The following SPTBN1 variants were observed in gnomAD, a reference collection of about 807,000 sequenced individuals.
SPTBN1 encodes spectrin beta, non-erythrocytic 1, also known as spectrin beta chain, non-erythrocytic 1.
A neutral mutation model predicts 266.4 loss-of-function variants in SPTBN1; 32 were observed. The ratio of observed to expected loss-of-function variants is 0.12; its 90% CI spans 0.09 to 0.16. The LOEUF is 0.16. Among genes scored for constraint, SPTBN1 ranks in the 10% least tolerant of loss-of-function variants. The pLI is 1.00. For missense variants in SPTBN1, 2,296 were observed against 3,067.1 expected (o/e 0.75, Z 5.94); for synonymous variants, 1,336 against 1,162.2 (o/e 1.15, Z -3.04).
chr2:54,550,699 A>G (rs1034401516), intron 2 of SPTBN1, among the ~76,000 whole-genome samples: 20 of 152,224 alleles, frequency 1.3e-4, no homozygotes, highest in Non-Finnish European at 1.8e-4. Context: ...GTAACTATCA[A>G]TAGCTGTTAC....
Position 54,645,505 on chromosome 2 carries a change from TGCTAAA to T in SPTBN1, c.4494+55_4494+60del. 6.3e-7 allele frequency: 1 copy of T among 1,575,964 alleles called. No homozygotes were observed. The highest frequency in any genetic ancestry group is 8.7e-7 in the Non-Finnish European group (1 of 1,155,130). The stretch of plus-strand genomic sequence containing the variant: ...GCTTTTCCACGAGCCCCCTTGCCTG[TGCTAAA>T]GCCCACATTCTCACTTCTCAGTCAT... On this transcript the variant is annotated intron_variant, in intron 21 of 35. Transcript: ENST00000356805. This position sits in a 1 kb window ranked among gnomAD's most constrained non-coding sequence, Gnocchi z 4.3.
intron 2 of SPTBN1, among the ~76,000 whole-genome samples, chr2:54,543,308 T>C (rs1034476306): frequency 6.6e-6 from 1 of 152,248 alleles, no homozygotes; most frequent in Non-Finnish European, 1.5e-5. Context: ...ACAGTGGGCA[T>C]GCATGTGAAG....
chr2:54,562,533 C>CTTTTTTTTTTT (rs1553447705), intron 2 of SPTBN1, among the ~76,000 whole-genome samples: 1 of 126,828 alleles, frequency 7.9e-6, no homozygotes, highest in Non-Finnish European at 1.6e-5. Context: ...TTTTCTTTTT[C>CTTTTTTTTTTT]TTTTTTTTTT....
intron 1 of SPTBN1, among the ~76,000 whole-genome samples, chr2:54,482,845 A>G (rs183636934): frequency 8.3e-4 from 127 of 152,334 alleles, no homozygotes; most frequent in Admixed American, 2.5e-3. Context: ...AAGTAATCCC[A>G]CAGGACTTGG....
At chr2:54,600,461 T>C (rs57406175) in intron 3 of SPTBN1, among the ~76,000 whole-genome samples, 3,954 of 152,214 alleles carry the variant, frequency 0.026, 164 homozygotes, top group African/African-American at 0.088. Flanking sequence ...AGACCCCTGC[T>C]CAAAACCATG....
intron 1 of SPTBN1, among the ~76,000 whole-genome samples, chr2:54,519,867 G>A (rs547915026): frequency 5.3e-5 from 8 of 152,130 alleles, no homozygotes; most frequent in South Asian, 2.1e-4. Flanking sequence ...CCTGTGGAGC[G>A]AGAGGGAGAA....
At position 54,467,249 on chromosome 2, in the gene SPTBN1, G is replaced by A. The variant is rs533081425; in HGVS notation, c.-48+10731G>A. Among the ~76,000 whole-genome samples the A allele has an allele frequency of 2.2e-4, 34 of 151,916 alleles. No homozygotes were observed. In the South Asian group the frequency reaches 4.4e-3, roughly 20 times the overall value. On this transcript the variant is annotated intron_variant, in intron 1 of 35. Coordinates refer to ENST00000356805, the MANE Select transcript of SPTBN1 (RefSeq NM_003128.3). ...GATAGGGATAGGGGATTTTTTTGGG[G>A]GTGGGGGGGCTTTTTTCTCTTTATC...
intron 2 of SPTBN1, among the ~76,000 whole-genome samples, chr2:54,595,049 G>T (rs1002316070): frequency 2.0e-5 from 3 of 151,988 alleles, no homozygotes; most frequent in Non-Finnish European, 4.4e-5. Context: ...GGTCAGGCTG[G>T]TCTCAAACTC....
chr2:54,664,494 T>C lies in SPTBN1; in HGVS notation c.6462T>C (p.Ala2154=). The C allele has an allele frequency of 3.1e-6, 5 of 1,614,032 alleles. No homozygotes were observed. The African/African-American group carries it at 6.7e-5, about 22-fold the overall frequency. The change falls in exon 33 of 36, where the codon GCT becomes GCC. Residue 2154 remains alanine (A), a synonymous_variant. Coordinates refer to ENST00000356805, the MANE Select transcript of SPTBN1 (RefSeq NM_003128.3). This position sits in a 1 kb window ranked among gnomAD's most constrained non-coding sequence, Gnocchi z 5.6. The part of the protein sequence containing the change: ...TVDTSEMVNG[A]TEQRTSSKES... ...ACACAAGCGAAATGGTCAACGGCGC[T>C]ACAGAACAAAGGACGAGCTCTAAAG...
At chr2:54,632,109 G>GT (rs1394884692) in intron 16 of SPTBN1, among the ~76,000 whole-genome samples, 47 of 150,780 alleles carry the variant, frequency 3.1e-4, no homozygotes, top group Admixed American at 1.1e-3. Context: ...GTACGGTGAG[G>GT]ATTTTTTTTT....
At chr2:54,583,630 A>C (rs1164785003) in intron 2 of SPTBN1, among the ~76,000 whole-genome samples, 1 of 152,214 alleles carries the variant, frequency 6.6e-6, no homozygotes, top group African/African-American at 2.4e-5. Flanking sequence ...ATTACAAGGA[A>C]GTATTAATGT....
At chr2:54,490,977 G>A (rs1026123943) in intron 1 of SPTBN1, among the ~76,000 whole-genome samples, 9 of 152,206 alleles carry the variant, frequency 5.9e-5, no homozygotes, top group Admixed American at 2.6e-4. Context: ...TTACCCAAAA[G>A]ACAAGTGAGG....
In SPTBN1 at chr2:54,649,145, G is replaced by C. The variant is rs1372388877; in HGVS notation, c.5157G>C (p.Val1719=). ...DLEQWIAERE[V]VAGSHELGQD... ...AGCAGTGGATCGCTGAGAGGGAGGTGGTCGCAGGGTCCCATGAACTGGGAC... is the reference window on the plus strand; with the variant it reads ...AGCAGTGGATCGCTGAGAGGGAGGTCGTCGCAGGGTCCCATGAACTGGGAC... Residue 1719 remains valine (V), a synonymous_variant, in exon 25 of 36, where the codon GTG becomes GTC. Coordinates refer to ENST00000356805, the MANE Select transcript of SPTBN1 (RefSeq NM_003128.3). This position sits in a 1 kb window ranked among gnomAD's most constrained non-coding sequence, Gnocchi z 6.7. The C allele has an allele frequency of 6.2e-7, 1 of 1,611,688 alleles. No homozygotes were observed. Among genetic ancestry groups the C allele is most frequent in the Non-Finnish European group, 8.5e-7 (1 of 1,178,488 alleles).
At chr2:54,476,687 A>G (rs1667852142) in intron 1 of SPTBN1, among the ~76,000 whole-genome samples, 1 of 152,192 alleles carries the variant, frequency 6.6e-6, no homozygotes, top group Non-Finnish European at 1.5e-5. Context: ...TAATTTGTCT[A>G]ACTTGTTCTC....
In SPTBN1 at chr2:54,653,552, T is replaced by C. The variant is rs1323872888; in HGVS notation, c.5578-57T>C. On this transcript the variant is annotated intron_variant, in intron 26 of 35. Coordinates refer to ENST00000356805, the MANE Select transcript of SPTBN1 (RefSeq NM_003128.3). The surrounding 1 kb of genome is among the most constrained non-coding windows in gnomAD (Gnocchi z 5.1). ...GAGCAGAACAGAATAGGGCTTGGGG[T>C]GATGGTGGGAAGGCCGCCATGGGCT... 6.3e-7 allele frequency: 1 copy of C among 1,590,814 alleles called. No homozygotes were observed. Among genetic ancestry groups the C allele is most frequent in the African/African-American group, 1.4e-5 (1 of 73,426 alleles).
chr2:54,560,537 T>C (rs1221174396), intron 2 of SPTBN1, among the ~76,000 whole-genome samples: 1 of 152,160 alleles, frequency 6.6e-6, no homozygotes, highest in Non-Finnish European at 1.5e-5. Context: ...CTGTCCTCTC[T>C]GGACAACGTA....
chr2:54,522,525 G>A (rs985668318), intron 1 of SPTBN1, among the ~76,000 whole-genome samples: 19 of 151,848 alleles, frequency 1.3e-4, no homozygotes, highest in Non-Finnish European at 2.2e-4. Context: ...CAGCTACTCA[G>A]GAGGGTGAGG....
At chr2:54,494,427 C>CA (rs892760372) in intron 1 of SPTBN1, among the ~76,000 whole-genome samples, 23 of 151,584 alleles carry the variant, frequency 1.5e-4, no homozygotes, top group African/African-American at 1.9e-4. Context: ...CATATTCGTA[C>CA]AAAAAAAATA....
At chr2:54,496,645 A>G (rs1380003380) in intron 1 of SPTBN1, among the ~76,000 whole-genome samples, 2 of 152,234 alleles carry the variant, frequency 1.3e-5, no homozygotes, top group African/African-American at 4.8e-5. Flanking sequence ...ACCCAAATAA[A>G]TGATCAACTT....
Sources: allele counts gnomAD v4.1 joint callset (sites outside exome capture counted in the v4.1 genomes callset), GRCh38; gene constraint gnomAD v4.1.1; non-coding constraint Gnocchi (gnomAD v3.1); transcripts MANE v1.5; gene names NCBI Gene and HGNC (gene_info 2026-07-23, HGNC 2026-07-21).